Variants in PLCH1 observed in about 807,000 individuals in gnomAD.
PLCH1 encodes the protein phospholipase C eta 1, also known as 1-phosphatidylinositol 4,5-bisphosphate phosphodiesterase eta-1.
Under a neutral mutation model 126.7 loss-of-function variants are expected in PLCH1, and 60 were observed. That is an observed-to-expected ratio of 0.47 (90% CI 0.38 to 0.59). The LOEUF is 0.59. PLCH1 is among the 20% of genes least tolerant of loss of function. The pLI is 0.00. For missense variants in PLCH1, 1,723 were observed against 2,040.0 expected (o/e 0.84, Z 2.99); for synonymous variants, 719 against 734.9 (o/e 0.98, Z 0.35).
intron 1 of PLCH1, among the ~76,000 whole-genome samples, chr3:155,714,544 A>G (rs1234594235): frequency 1.3e-5 from 2 of 152,222 alleles, no homozygotes; most frequent in Non-Finnish European, 2.9e-5. Flanking sequence ...GGAAAGAAAT[A>G]AAAGGGTACT....
In PLCH1 at chr3:155,522,710, CTTT is replaced by C. The variant is rs76460443; in HGVS notation, c.1470+1184_1470+1186del. The stretch of plus-strand genomic sequence containing the variant: ...AAGAATTTATACAAAATTTCTCTCT[CTTT>C]TTTTTTTTTTTTTTTAGAGGGTAGA... On this transcript the variant is annotated intron_variant, in intron 11 of 22. Coordinates refer to ENST00000460012, the MANE Select transcript of PLCH1 (RefSeq NM_014996.4). 3.6e-3 allele frequency among the ~76,000 whole-genome samples: 509 copies of C among 140,836 alleles called. 1 individual carries two copies. The highest frequency in any genetic ancestry group is 3.6e-3 in the Middle Eastern group (1 of 276). 92.4% of individuals were successfully genotyped at this position (140,836 alleles called of 152,430 possible). A position where few individuals can be genotyped will look rare whatever the true frequency, so the allele number is the denominator to read the frequency against.
Position 155,501,371 on chromosome 3 carries a change from C to T in PLCH1, c.1705-577G>A, listed in dbSNP as rs1056541292. ...TACCCACAGAATACAGGCTGAAAGG[C>T]TCCAGGTCTAATCTGGTGTCTTTTG... On this transcript the variant is annotated intron_variant, in intron 13 of 22. Coordinates refer to ENST00000460012, the MANE Select transcript of PLCH1 (RefSeq NM_014996.4). Among the ~76,000 whole-genome samples, 3 of 152,180 alleles carry T rather than the reference C, an allele frequency of 2.0e-5. No homozygotes were observed. In the South Asian group the frequency reaches 6.2e-4, roughly 31 times the overall value.
At chr3:155,648,335 G>C (rs568890954) in intron 2 of PLCH1, among the ~76,000 whole-genome samples, 4 of 152,306 alleles carry the variant, frequency 2.6e-5, no homozygotes, top group Non-Finnish European at 4.4e-5. Flanking sequence ...AGATGTTAGG[G>C]CCTTGGGAAG....
At chr3:155,667,917 A>T (rs1742936909) in intron 2 of PLCH1, among the ~76,000 whole-genome samples, 1 of 149,452 alleles carries the variant, frequency 6.7e-6, no homozygotes, top group South Asian at 2.1e-4. Flanking sequence ...AAAAAAAAAA[A>T]AAAAAAAAAA....
At chr3:155,533,759 G>T (rs1272246200) in intron 10 of PLCH1, among the ~76,000 whole-genome samples, 2 of 152,198 alleles carry the variant, frequency 1.3e-5, no homozygotes, top group Non-Finnish European at 2.9e-5. Context: ...CAAGCCCAGG[G>T]CCCTGCTACT....
chr3:155,676,086 T>C, intron 2 of PLCH1: 1 of 1,469,074 alleles, frequency 6.8e-7, no homozygotes. Context: ...GTACAATTTC[T>C]CTCTAAAGGC....
intron 2 of PLCH1, among the ~76,000 whole-genome samples, chr3:155,700,433 G>A (rs1023851967): frequency 3.9e-5 from 6 of 152,176 alleles, no homozygotes; most frequent in East Asian, 1.9e-4. Flanking sequence ...TCCCTAGATA[G>A]TAAAAGATAC....
intron 21 of PLCH1, among the ~76,000 whole-genome samples, chr3:155,464,117 T>A (rs1277585669): frequency 6.6e-6 from 1 of 152,056 alleles, no homozygotes; most frequent in Non-Finnish European, 1.5e-5. Context: ...TCAAATGAGA[T>A]TGTGTAATTC....
At chr3:155,626,135 CA>C (rs1267622905) in intron 2 of PLCH1, among the ~76,000 whole-genome samples, 1 of 151,862 alleles carries the variant, frequency 6.6e-6, no homozygotes, top group Non-Finnish European at 1.5e-5. Flanking sequence ...AACAGAAAAC[CA>C]AACACTGCAT....
chr3:155,712,575 T>C (rs1747208280), intron 1 of PLCH1, among the ~76,000 whole-genome samples: 1 of 152,100 alleles, frequency 6.6e-6, no homozygotes, highest in South Asian at 2.1e-4. Flanking sequence ...GGTAAATCTT[T>C]AAAAGATAAC....
intron 21 of PLCH1, among the ~76,000 whole-genome samples, chr3:155,455,491 T>C (rs73011525): frequency 0.041 from 6,233 of 152,300 alleles, 294 homozygotes; most frequent in African/African-American, 0.12. Flanking sequence ...TAAAAACAGC[T>C]TCAATTAGTA....
chr3:155,670,111 T>C (rs1416681516), intron 2 of PLCH1, among the ~76,000 whole-genome samples: 1 of 152,168 alleles, frequency 6.6e-6, no homozygotes, highest in Non-Finnish European at 1.5e-5. Context: ...TTTAAAACAG[T>C]CCTTGGGTAT....
At chr3:155,549,998 G>C (rs1180191245) in intron 9 of PLCH1, 40 bp from the exon 10 acceptor site, 1 of 1,510,628 alleles carries the variant, frequency 6.6e-7, no homozygotes, top group Non-Finnish European at 9.1e-7. Context: ...GTCAGGTGCA[G>C]GCAACTCACA....
rs545057452 is a variant in PLCH1, at chr3:155,566,230, CAT to C, written c.866-1114_866-1113del. Among the ~76,000 whole-genome samples, 14 of 122,070 alleles carry C rather than the reference CAT, an allele frequency of 1.1e-4. 3 individuals are homozygous for C. Among genetic ancestry groups the C allele is most frequent in the Admixed American group, 1.9e-4 (2 of 10,552 alleles). 80.1% of individuals were successfully genotyped at this position (122,070 alleles called of 152,430 possible). A position where few individuals can be genotyped will look rare whatever the true frequency, so the allele number is the denominator to read the frequency against. On this transcript the variant is annotated intron_variant, in intron 7 of 22. Coordinates refer to ENST00000460012, the MANE Select transcript of PLCH1 (RefSeq NM_014996.4). ...ATACACATATATACGTATATATACACATATATATACATATATATACGTATATA... is the reference window on the plus strand; with the variant it reads ...ATACACATATATACGTATATATACACATATATACATATATATACGTATATA...
intron 19 of PLCH1, among the ~76,000 whole-genome samples, chr3:155,489,901 T>C (rs967472372): frequency 6.6e-6 from 1 of 152,160 alleles, no homozygotes; most frequent in African/African-American, 2.4e-5. Flanking sequence ...ATCACTGAGA[T>C]ACCTCTCTTG....
intron 1 of PLCH1, among the ~76,000 whole-genome samples, chr3:155,714,324 C>T (rs1419372615): frequency 2.0e-5 from 3 of 152,158 alleles, no homozygotes; most frequent in African/African-American, 7.2e-5. Flanking sequence ...TCTGGCCCAG[C>T]CCCAAACTGA....
chr3:155,488,567 C>A, intron 20 of PLCH1, 93 bp downstream of exon 20: 1 of 1,045,890 alleles, frequency 9.6e-7, no homozygotes. Context: ...TATTTTATCA[C>A]GTATGCTATT....
At chr3:155,471,276 C>T (rs1352312919) in intron 21 of PLCH1, among the ~76,000 whole-genome samples, 4 of 152,236 alleles carry the variant, frequency 2.6e-5, no homozygotes, top group Admixed American at 6.5e-5. Context: ...GGGTTGCAAT[C>T]CTAGTCTCTG....
intron 10 of PLCH1, among the ~76,000 whole-genome samples, chr3:155,546,407 G>A (rs1725289533): frequency 6.6e-6 from 1 of 152,084 alleles, no homozygotes; most frequent in Non-Finnish European, 1.5e-5. Context: ...ACAAATGGAA[G>A]AACATTCCAT....
Sources: gnomAD v4.1 joint callset for allele counts (sites outside exome capture counted in the v4.1 genomes callset) on GRCh38, gnomAD v4.1.1 for gene constraint, MANE v1.5 for transcripts, NCBI Gene and HGNC (gene_info 2026-07-23, HGNC 2026-07-21) for gene names.